Variants in SUSD2 observed in about 807,000 individuals in gnomAD.
The protein encoded by SUSD2 is sushi domain-containing protein 2.
SUSD2 carries 86 observed loss-of-function variants against 93.8 expected under a neutral mutation model. The observed-to-expected ratio is 0.92, with a 90% CI of 0.77 to 1.10. The LOEUF (loss-of-function observed/expected upper bound fraction) is 1.10, where lower values mean the gene tolerates loss of function less well. Among genes scored for constraint, SUSD2 ranks in the 50% least tolerant of loss-of-function variants. The pLI is 0.00. For missense variants in SUSD2, 1,060 were observed against 1,137.0 expected, an observed-to-expected ratio of 0.93 and a Z score of 0.97; for synonymous variants, 483 against 485.0, an observed-to-expected ratio of 1.00 and a Z score of 0.05.
rs377095412 is a variant in SUSD2, at chr22:24,185,125, G to A, written c.814G>A (p.Ala272Thr). The change falls in exon 6 of 15, where the codon GCA (alanine) becomes ACA (threonine). Residue 272 changes from alanine to threonine, a missense_variant. Physicochemically the swap from Ala to Thr is moderately conservative, Grantham distance 58. Around this residue, in one of 2 missense-constraint regions of SUSD2, gnomAD observed 973 missense variants for 1,005.3 expected, o/e 0.97. Transcript: ENST00000358321. The stretch of plus-strand genomic sequence containing the variant: ...GCAGGCGCTCTGGACCAACGACCAC[G>A]CACTGGCCTGGCACCTGAGCGATGA... Reference protein sequence around the residue: ...DVQALWTNDHALAWHLSDDFR... With the variant: ...DVQALWTNDHTLAWHLSDDFR... The A allele has an allele frequency of 9.5e-4, 1,528 of 1,612,848 alleles. 25 individuals are homozygous for A. The South Asian group carries it at 0.016, about 17-fold the overall frequency.
At chr22:24,184,366 G>C in intron 4 of SUSD2, 63 bp downstream of exon 4, 2 of 1,552,406 alleles carry the variant, frequency 1.3e-6, no homozygotes, top group South Asian at 1.1e-5. Flanking sequence ...GGAGAAAGGG[G>C]GTCCCAGCTG....
intron 6 of SUSD2, 47 bp downstream of exon 6, chr22:24,185,342 C>A: frequency 1.3e-6 from 2 of 1,581,790 alleles, no homozygotes; most frequent in Non-Finnish European, 1.7e-6. Context: ...GGGTTAGCCT[C>A]CCCACTGAGG....
rs142513024 is a variant in SUSD2, at chr22:24,185,709, G to A, written c.1119G>A (p.Thr373=). Residue 373 remains threonine (T), a synonymous_variant, in exon 8 of 15, where the codon ACG becomes ACA. Transcript: ENST00000358321. The part of the protein sequence containing the change: ...GQQCCYTADG[T]QLLTADSSGG... ...AGTGCTGCTACACAGCGGACGGGACGCAGCTCCTGACAGCTGACTCCAGCG... is the reference window on the plus strand; with the variant it reads ...AGTGCTGCTACACAGCGGACGGGACACAGCTCCTGACAGCTGACTCCAGCG... The A allele has an allele frequency of 1.2e-5, 20 of 1,610,764 alleles. No individual in the cohort carries two copies. The highest frequency in any genetic ancestry group is 4.5e-5 in the East Asian group (2 of 44,852).
intron 2 of SUSD2, 104 bp from the exon 3 acceptor site, chr22:24,183,391 G>A: frequency 6.5e-7 from 1 of 1,538,142 alleles, no homozygotes; most frequent in Non-Finnish European, 8.8e-7. Flanking sequence ...GGAGGGCACA[G>A]GGACAGCTGG....
chr22:24,185,704 G>C lies in SUSD2; in HGVS notation c.1114G>C (p.Gly372Arg), dbSNP rs149491824. 10 of 1,610,920 alleles carry C rather than the reference G, an allele frequency of 6.2e-6. No homozygotes were observed. Among genetic ancestry groups the C allele is most frequent in the Non-Finnish European group, 8.5e-6 (10 of 1,179,426 alleles). The change falls in exon 8 of 15, where the codon GGG (glycine) becomes CGG (arginine). Residue 372 changes from glycine to arginine, a missense_variant. This residue lies in a region of SUSD2 where 973 missense variants were observed against 1,005.3 expected (regional missense o/e 0.97). Transcript: ENST00000358321. ...SGQQCCYTAD[G>R]TQLLTADSSG... is the part of the protein sequence containing the mutation. ...TCAGCAGTGCTGCTACACAGCGGAC[G>C]GGACGCAGCTCCTGACAGCTGACTC...
Position 24,185,863 on chromosome 22 carries a change from G to T in SUSD2, c.1273G>T (p.Asp425Tyr). 6.3e-7 allele frequency: 1 copy of T among 1,597,136 alleles called. No homozygotes were observed. The highest frequency in any genetic ancestry group is 1.7e-5 in the Admixed American group (1 of 58,588). The change falls in exon 8 of 15, where the codon GAC becomes TAC. Residue 425 changes from aspartate to tyrosine, a missense_variant. Asp to Tyr is a radical substitution (Grantham distance 160). Transcript: ENST00000358321. Reference sequence around the variant, plus strand: ...CTATTACTGCTGCCTCTGGGCACCCGACTGCCCCCGCTACATGCAACGGCG... The same window carrying T: ...CTATTACTGCTGCCTCTGGGCACCCTACTGCCCCCGCTACATGCAACGGCG... ...SFYYCCLWAP[D>Y]CPRYMQRRPS...
intron 10 of SUSD2, 197 bp from the exon 11 acceptor site, chr22:24,187,005 C>A: frequency 1.5e-6 from 1 of 651,090 alleles, no homozygotes; most frequent in Non-Finnish European, 2.6e-6. Context: ...ACCTCAGGTG[C>A]CGCTGGGAGT....
Position 24,185,536 on chromosome 22 carries a change from C to T in SUSD2, c.1035C>T (p.Pro345=), listed in dbSNP as rs544879442. 44 of 1,583,592 alleles carry T rather than the reference C, an allele frequency of 2.8e-5. No homozygotes were observed. In the South Asian group the frequency reaches 4.1e-4, roughly 15 times the overall value. Residue 345 remains proline (P), a synonymous_variant, in exon 7 of 15, where the codon CCC becomes CCT. Transcript: ENST00000358321. The stretch of plus-strand genomic sequence containing the variant: ...AGGGCAGCGTGTGCACCTACCACCC[C>T]GGGGCCGTGCACTGTGTGCGTTCTG... ...MEQGSVCTYH[P]GAVHCVRSVQ...
chr22:24,186,403 A>G lies in SUSD2; in HGVS notation c.1630A>G (p.Met544Val). Reference protein sequence around the residue: ...EVLSFTEQSWMDLKGMFLSVA... With the variant: ...EVLSFTEQSWVDLKGMFLSVA... The stretch of plus-strand genomic sequence containing the variant: ...GCTGAGCTTCACCGAGCAGAGCTGG[A>G]TGGACCTGAAAGGTGAGCAGTCCAG... Residue 544 changes from methionine to valine, a missense_variant, in exon 10 of 15, where the codon ATG (methionine) becomes GTG (valine). Transcript: ENST00000358321. 1 of 1,613,340 alleles carries G rather than the reference A, an allele frequency of 6.2e-7. No individual in the cohort carries two copies. The highest frequency in any genetic ancestry group is 8.5e-7 in the Non-Finnish European group (1 of 1,180,006).
Position 24,187,215 on chromosome 22 carries a change from G to A in SUSD2, c.1656G>A (p.Ser552=), listed in dbSNP as rs755152298. Residue 552 remains serine (S), a synonymous_variant, in exon 11 of 15, where the codon TCG becomes TCA. Coordinates refer to ENST00000358321, the MANE Select transcript of SUSD2 (RefSeq NM_019601.4). Reference sequence around the variant, plus strand: ...CCTTGAGCCCAGGAATGTTCCTGTCGGTGGCTGCCGGGGACAGGGTCTCCA... The same window carrying A: ...CCTTGAGCCCAGGAATGTTCCTGTCAGTGGCTGCCGGGGACAGGGTCTCCA... The part of the protein sequence containing the change: ...SWMDLKGMFL[S]VAAGDRVSIM... The A allele has an allele frequency of 1.2e-5, 19 of 1,612,830 alleles. No individual in the cohort carries two copies. Among genetic ancestry groups the A allele is most frequent in the South Asian group, 8.8e-5 (8 of 91,068 alleles).
Position 24,185,284 on chromosome 22 carries a change from G to A in SUSD2, c.973G>A (p.Gly325Ser), listed in dbSNP as rs756917943. The change falls in exon 6 of 15, where the codon GGC becomes AGC. Residue 325 changes from glycine to serine, a missense_variant. Physicochemically the swap from Gly to Ser is moderately conservative, Grantham distance 56 (BLOSUM62 0). Around this residue, in one of 2 missense-constraint regions of SUSD2, gnomAD observed 973 missense variants for 1,005.3 expected, o/e 0.97. Transcript: ENST00000358321. ...CCTGACCCAGGCCCGGGCTGACTCC[G>A]GCCGCTTCTTCGTGAGCCTCCCATC... ...CTLTQARADS[G>S]RFFTDYGCDM... The A allele has an allele frequency of 4.4e-6, 7 of 1,603,962 alleles. No individual in the cohort carries two copies. The highest frequency in any genetic ancestry group is 1.3e-5 in the African/African-American group (1 of 74,960).
chr22:24,184,140 C>T lies in SUSD2; in HGVS notation c.444C>T (p.His148=), dbSNP rs771025038. 18 of 1,611,906 alleles carry T rather than the reference C, an allele frequency of 1.1e-5. No individual in the cohort carries two copies. The South Asian group carries it at 2.0e-4, about 18-fold the overall frequency. Residue 148 remains histidine (H), a synonymous_variant, in exon 4 of 15, where the codon CAC becomes CAT. Coordinates refer to ENST00000358321, the MANE Select transcript of SUSD2 (RefSeq NM_019601.4). ...CCCCTCACCTCCCCTGCCCAGTGCA[C>T]CCCAACAAAGTGTCAATGATGGAGA... ...FPRAGTWLAV[H]PNKVSMMEKS... is the part of the protein sequence containing the mutation.
At chr22:24,186,634 G>C in intron 10 of SUSD2, 1 of 596,580 alleles carries the variant, frequency 1.7e-6, no homozygotes, top group East Asian at 2.9e-5. Flanking sequence ...CCTCCCTACG[G>C]AGGATCCCGG....
Position 24,186,301 on chromosome 22 carries a change from G to C in SUSD2, c.1528G>C (p.Glu510Gln). The change falls in exon 10 of 15, where the codon GAG becomes CAG. Residue 510 changes from glutamate to glutamine, a missense_variant. Coordinates refer to ENST00000358321, the MANE Select transcript of SUSD2 (RefSeq NM_019601.4). The part of the protein sequence containing the change: ...GTGLTAVAVQ[E>Q]GNSDVVEVRL... ...TGGGCTGACCGCAGTGGCCGTCCAG[G>C]AGGGCAACTCAGATGTGGTGGAAGT... The C allele has an allele frequency of 6.2e-7, 1 of 1,613,914 alleles. No individual in the cohort carries two copies. The highest frequency in any genetic ancestry group is 8.5e-7 in the Non-Finnish European group (1 of 1,180,032).
Position 24,186,051 on chromosome 22 carries a change from G to C in SUSD2, c.1375G>C (p.Asp459His). Residue 459 changes from aspartate to histidine, a missense_variant, in exon 9 of 15, where the codon GAC becomes CAC. Asp to His is a moderately conservative substitution (Grantham distance 81). Around this residue, in one of 2 missense-constraint regions of SUSD2, gnomAD observed 973 missense variants for 1,005.3 expected, o/e 0.97. Coordinates refer to ENST00000358321, the MANE Select transcript of SUSD2 (RefSeq NM_019601.4). ...AFGDPHFVTF[D>H]GTNFTFNGRG... ...CGGAGACCCACACTTTGTGACCTTC[G>C]ACGGCACCAACTTCACATTCAATGG... is the stretch of plus-strand genomic sequence containing the variant. The C allele has an allele frequency of 6.2e-7, 1 of 1,612,250 alleles. No individual in the cohort carries two copies. The highest frequency in any genetic ancestry group is 8.5e-7 in the Non-Finnish European group (1 of 1,179,370).
intron 1 of SUSD2, among the ~76,000 whole-genome samples, chr22:24,182,065 C>A (rs1308552777): frequency 6.6e-6 from 1 of 152,206 alleles, no homozygotes; most frequent in Non-Finnish European, 1.5e-5. Context: ...CTCCCCCGAC[C>A]CCTGTGCGCC....
intron 8 of SUSD2, 36 bp downstream of exon 8, chr22:24,185,965 A>G: frequency 6.4e-7 from 1 of 1,574,458 alleles, no homozygotes; most frequent in Non-Finnish European, 8.7e-7. Flanking sequence ...CCTGGGAAAG[A>G]TCGGGCTGGG....
chr22:24,184,412 A>T lies in SUSD2; in HGVS notation c.607+109A>T, dbSNP rs995829294. ...GGAAGGGAGTTTCCAGGTGGGGTTG[A>T]GGAGGGAAGGGAATTCCAGGCAGAG... On this transcript the variant is annotated intron_variant, in intron 4 of 14. Coordinates refer to ENST00000358321, the MANE Select transcript of SUSD2 (RefSeq NM_019601.4). 4 of 1,191,200 alleles carry T rather than the reference A, an allele frequency of 3.4e-6. No homozygotes were observed. In the East Asian group the frequency reaches 7.6e-5, roughly 23 times the overall value. 73.8% of individuals were successfully genotyped at this position (1,191,200 alleles called of 1,614,324 possible). A position where few individuals can be genotyped will look rare whatever the true frequency, so the allele number is the denominator to read the frequency against.
At chr22:24,185,982 T>G (rs1167734591) in intron 8 of SUSD2, 34 bp from the exon 9 acceptor site, 1 of 1,582,908 alleles carries the variant, frequency 6.3e-7, no homozygotes, top group East Asian at 2.3e-5. Flanking sequence ...TGGGCTGGGG[T>G]GCACCCCCAC....
Sources: gnomAD v4.1 joint callset for allele counts (sites outside exome capture counted in the v4.1 genomes callset) on GRCh38, gnomAD v4.1.1 for gene constraint, gnomAD v4.1.1 regional missense constraint, MANE v1.5 for transcripts, NCBI Gene and HGNC (gene_info 2026-07-23, HGNC 2026-07-21) for gene names.